EFNA5: variants seen among roughly 807,000 people sequenced by gnomAD.
The protein encoded by EFNA5 is ephrin-A5.
Under a neutral mutation model 22.9 loss-of-function variants are expected in EFNA5, and 5 were observed. The ratio of observed to expected loss-of-function variants is 0.22; its 90% CI spans 0.11 to 0.46. The LOEUF is 0.46. Among genes scored for constraint, EFNA5 ranks in the 20% least tolerant of loss-of-function variants. The pLI is 0.99. For missense variants in EFNA5, 237 were observed against 293.3 expected (o/e 0.81, Z 1.40); for synonymous variants, 113 against 112.2 (o/e 1.01, Z -0.04).
At chr5:107,482,897 T>C (rs1431174303) in intron 1 of EFNA5, among the ~76,000 whole-genome samples, 1 of 143,898 alleles carries the variant, frequency 6.9e-6, no homozygotes, top group Non-Finnish European at 1.5e-5. Context: ...TATATATACA[T>C]ACATATATAC....
intron 1 of EFNA5, among the ~76,000 whole-genome samples, chr5:107,621,510 A>G (rs1207479937): frequency 3.3e-5 from 5 of 152,172 alleles, no homozygotes; most frequent in Non-Finnish European, 7.3e-5. Flanking sequence ...AAAATTTCAT[A>G]TCTGATTATA....
At chr5:107,462,298 T>C (rs1028836022) in intron 1 of EFNA5, among the ~76,000 whole-genome samples, 1 of 151,930 alleles carries the variant, frequency 6.6e-6, no homozygotes. Flanking sequence ...AGGGAAGAGA[T>C]GAGCAAAAAA....
At chr5:107,562,683 T>C (rs1748576811) in intron 1 of EFNA5, among the ~76,000 whole-genome samples, 1 of 152,212 alleles carries the variant, frequency 6.6e-6, no homozygotes, top group Non-Finnish European at 1.5e-5. Flanking sequence ...ATTGTGAATA[T>C]CAAACTGTGT....
At chr5:107,500,452 C>T (rs1434111516) in intron 1 of EFNA5, among the ~76,000 whole-genome samples, 1 of 152,190 alleles carries the variant, frequency 6.6e-6, no homozygotes, top group Non-Finnish European at 1.5e-5. Flanking sequence ...GTAAGCTTCA[C>T]ATAAAGCAAA....
At chr5:107,457,296 T>C (rs1361191379) in intron 1 of EFNA5, among the ~76,000 whole-genome samples, 1 of 152,088 alleles carries the variant, frequency 6.6e-6, no homozygotes, top group African/African-American at 2.4e-5. Flanking sequence ...ATAGAGGTGG[T>C]AGGAATAGTC....
chr5:107,442,603 C>T (rs975346982), intron 1 of EFNA5, among the ~76,000 whole-genome samples: 2 of 152,132 alleles, frequency 1.3e-5, no homozygotes, highest in African/African-American at 2.4e-5. Flanking sequence ...GAATTACAAA[C>T]TGTTTCCCTG....
At chr5:107,503,203 A>T (rs1747174888) in intron 1 of EFNA5, among the ~76,000 whole-genome samples, 1 of 152,198 alleles carries the variant, frequency 6.6e-6, no homozygotes. Context: ...CCTCAAGATC[A>T]AAGCTTCCAG....
intron 2 of EFNA5, among the ~76,000 whole-genome samples, chr5:107,418,998 C>T (rs906883831): frequency 6.6e-6 from 1 of 152,052 alleles, no homozygotes; most frequent in African/African-American, 2.4e-5. Flanking sequence ...TTTTCAATAC[C>T]CTGTGTTCCT....
intron 1 of EFNA5, among the ~76,000 whole-genome samples, chr5:107,636,392 G>C (rs777040915): frequency 6.6e-6 from 1 of 152,164 alleles, no homozygotes; most frequent in Admixed American, 6.5e-5. Context: ...AAAGCACAAA[G>C]CATGTTCAAA....
chr5:107,598,708 A>C (rs893516792), intron 1 of EFNA5, among the ~76,000 whole-genome samples: 6 of 152,198 alleles, frequency 3.9e-5, no homozygotes, highest in Non-Finnish European at 5.9e-5. Flanking sequence ...ATACTATGAC[A>C]CTAATTTTTT....
In EFNA5 at chr5:107,634,053, C is replaced by A. The variant is rs1468074830; in HGVS notation, c.125+36436G>T. Among the ~76,000 whole-genome samples, 4 of 152,306 alleles carry A rather than the reference C, an allele frequency of 2.6e-5. No individual in the cohort carries two copies. In the East Asian group the frequency reaches 7.7e-4, roughly 29 times the overall value. On this transcript the variant is annotated intron_variant, in intron 1 of 4. Coordinates refer to ENST00000333274, the MANE Select transcript of EFNA5 (RefSeq NM_001962.3). ...TTTAACAAAATTCAGACTTGATGAT[C>A]TCTTTACCACACAGTATGTTTAATG...
chr5:107,390,831 T>G (rs1485729992), intron 2 of EFNA5, among the ~76,000 whole-genome samples: 1 of 152,230 alleles, frequency 6.6e-6, no homozygotes, highest in Non-Finnish European at 1.5e-5. Flanking sequence ...TACATATTAC[T>G]GCAGCTTCAT....
Position 107,482,832 on chromosome 5 carries a change from G to GTC in EFNA5, c.126-55325_126-55324dup, listed in dbSNP as rs59574940. Among the ~76,000 whole-genome samples the GTC allele has an allele frequency of 7.3e-3, 686 of 93,756 alleles. 1 individual carries two copies. Among genetic ancestry groups the GTC allele is most frequent in the Admixed American group, 8.9e-3 (82 of 9,260 alleles). The allele number at this position is 93,756 out of a possible 152,430, so 61.5% of individuals were successfully genotyped here. A position where few individuals can be genotyped will look rare whatever the true frequency, so the allele number is the denominator to read the frequency against. On this transcript the variant is annotated intron_variant, in intron 1 of 4. Coordinates refer to ENST00000333274, the MANE Select transcript of EFNA5 (RefSeq NM_001962.3). ...TCTCTCTGTCTCTCTCTCTGTCTCT[G>GTC]TCTCTCTCTCTCTCTCTCTCTCTCT...
chr5:107,610,733 T>C (rs1436998587), intron 1 of EFNA5, among the ~76,000 whole-genome samples: 1 of 152,228 alleles, frequency 6.6e-6, no homozygotes, highest in Admixed American at 6.5e-5. Flanking sequence ...GAAAAATTAA[T>C]ACAACTGTGT....
intron 1 of EFNA5, among the ~76,000 whole-genome samples, chr5:107,622,687 T>G (rs1750058958): frequency 6.6e-6 from 1 of 152,040 alleles, no homozygotes; most frequent in Non-Finnish European, 1.5e-5. Flanking sequence ...CTTAGAAAAT[T>G]CAGGTGGATT....
chr5:107,402,708 A>G (rs538511269), intron 2 of EFNA5, among the ~76,000 whole-genome samples: 1 of 152,282 alleles, frequency 6.6e-6, no homozygotes, highest in Admixed American at 6.5e-5. Flanking sequence ...ATTTCATTAC[A>G]TTTATTATAC....
intron 1 of EFNA5, among the ~76,000 whole-genome samples, chr5:107,631,841 G>A (rs1000466056): frequency 6.6e-6 from 1 of 152,196 alleles, no homozygotes; most frequent in African/African-American, 2.4e-5. Flanking sequence ...ATATTTGGAT[G>A]TTTTGTATTT....
intron 2 of EFNA5, among the ~76,000 whole-genome samples, chr5:107,406,485 C>A (rs1288165982): frequency 6.6e-6 from 1 of 152,046 alleles, no homozygotes; most frequent in Non-Finnish European, 1.5e-5. Flanking sequence ...ATTGCTTCCT[C>A]ATTTTCTTTA....
At chr5:107,473,621 C>A (rs921859359) in intron 1 of EFNA5, among the ~76,000 whole-genome samples, 1 of 151,768 alleles carries the variant, frequency 6.6e-6, no homozygotes, top group Non-Finnish European at 1.5e-5. Flanking sequence ...TGTTATGATC[C>A]GATATTCTAA....
Sources: allele counts gnomAD v4.1 joint callset (sites outside exome capture counted in the v4.1 genomes callset), GRCh38; gene constraint gnomAD v4.1.1; transcripts MANE v1.5; gene names NCBI Gene and HGNC (gene_info 2026-07-23, HGNC 2026-07-21).